The following ANK2 variants were observed in gnomAD, a reference collection of about 807,000 sequenced individuals.
ANK2 encodes ankyrin 2, also known as ankyrin-2.
In ANK2, 83 loss-of-function variants were observed where a neutral mutation model predicts 360.5. The observed-to-expected ratio is 0.23, with a 90% CI of 0.19 to 0.28. The LOEUF is 0.28. Ranked by LOEUF, ANK2 falls within the 10% of genes least tolerant of loss-of-function variation. ANK2 has a pLI of 1.00. For synonymous variants in ANK2, 1,740 were observed against 1,759.5 expected (o/e 0.99, Z 0.28); for missense variants, 4,201 against 4,795.7 (o/e 0.88, Z 3.66).
chr4:112,751,897 C>A, the ANK2 span, among the ~76,000 whole-genome samples: 1 of 152,070 alleles, frequency 6.6e-6, no homozygotes, highest in Non-Finnish European at 1.5e-5. Flanking sequence ...GCTGGGAAAC[C>A]CTTTTAGTGT....
rs1056627374 is a variant in ANK2, at chr4:113,354,270, G to T, written c.5652G>T (p.Ser1884=). ...KTEKHSPVSP[S]TKTERHSPVS... ...AGAAACACTCACCTGTATCACCCTC[G>T]ACAAAAACTGAAAGGCACTCTCCTG... Residue 1884 remains serine, a synonymous_variant, in exon 38 of 46, where the codon TCG becomes TCT. Coordinates refer to ENST00000357077, the MANE Select transcript of ANK2 (RefSeq NM_001148.6). 2.5e-6 allele frequency: 4 copies of T among 1,613,698 alleles called. No homozygotes were observed. The South Asian group carries it at 4.4e-5, about 18-fold the overall frequency.
chr4:113,135,981 CT>C (rs1318655941), intron 1 of ANK2, among the ~76,000 whole-genome samples: 2 of 152,046 alleles, frequency 1.3e-5, no homozygotes, highest in Non-Finnish European at 2.9e-5. Context: ...GCATTTGTCT[CT>C]TTTTATTTAA....
At chr4:113,311,460 T>A (rs1254564200) in intron 24 of ANK2, 61 bp downstream of exon 24, 40 of 1,590,042 alleles carry the variant, frequency 2.5e-5, no homozygotes, top group Non-Finnish European at 2.8e-5. Flanking sequence ...TTTTTTATGA[T>A]GATGATAAAA....
intron 1 of ANK2, among the ~76,000 whole-genome samples, chr4:113,160,787 G>T (rs566209132): frequency 3.3e-5 from 5 of 152,272 alleles, no homozygotes; most frequent in African/African-American, 1.2e-4. Flanking sequence ...ACAACATCTA[G>T]CACAGTGCTA....
intron 2 of ANK2, among the ~76,000 whole-genome samples, chr4:112,920,504 G>A (rs1167435814): frequency 1.3e-5 from 2 of 152,086 alleles, no homozygotes; most frequent in Non-Finnish European, 2.9e-5. Context: ...GACAAAATGT[G>A]TTTTATTTCT....
chr4:113,161,583 T>A (rs553240127), intron 1 of ANK2, among the ~76,000 whole-genome samples: 1 of 152,288 alleles, frequency 6.6e-6, no homozygotes, highest in South Asian at 2.1e-4. Context: ...GAGGATAAAG[T>A]GGCCTCTCAG....
the ANK2 span, among the ~76,000 whole-genome samples, chr4:112,733,770 T>TTTTG: frequency 3.3e-5 from 5 of 152,008 alleles, no homozygotes; most frequent in African/African-American, 7.2e-5. Context: ...CAGAGACCAA[T>TTTTG]TTTGTTTGTT....
At chr4:112,867,160 T>C (rs2070925515) in intron 1 of ANK2, among the ~76,000 whole-genome samples, 1 of 151,954 alleles carries the variant, frequency 6.6e-6, no homozygotes, top group African/African-American at 2.4e-5. Flanking sequence ...CTATGTTTTA[T>C]CTGCATTGAA....
chr4:112,729,950 A>C, the ANK2 span, among the ~76,000 whole-genome samples: 1 of 152,160 alleles, frequency 6.6e-6, no homozygotes, highest in Non-Finnish European at 1.5e-5. Context: ...TAAAAAGTCA[A>C]AAACATAGAA....
the ANK2 span, among the ~76,000 whole-genome samples, chr4:112,705,928 G>A: frequency 2.7e-5 from 4 of 148,812 alleles, no homozygotes; most frequent in Non-Finnish European, 4.4e-5. Flanking sequence ...CGAGTCCGCC[G>A]GCCGGGATGT....
chr4:113,058,149 C>T (rs1695191022), intron 1 of ANK2, among the ~76,000 whole-genome samples: 1 of 152,110 alleles, frequency 6.6e-6, no homozygotes, highest in African/African-American at 2.4e-5. Flanking sequence ...TCACATCCTA[C>T]TTACAAAATA....
At chr4:113,300,605 CA>C (rs943189929) in intron 22 of ANK2, among the ~76,000 whole-genome samples, 7 of 152,122 alleles carry the variant, frequency 4.6e-5, no homozygotes, top group Non-Finnish European at 1.0e-4. Flanking sequence ...CACAGTTAAA[CA>C]AAGACATTCA....
chr4:112,792,042 T>C, the ANK2 span, among the ~76,000 whole-genome samples: 3 of 141,838 alleles, frequency 2.1e-5, no homozygotes, highest in Non-Finnish European at 4.6e-5. Flanking sequence ...TCTTTTTTTT[T>C]TTTTTTTTTT....
At chr4:112,805,281 A>T in the ANK2 span, among the ~76,000 whole-genome samples, 1 of 152,130 alleles carries the variant, frequency 6.6e-6, no homozygotes, top group African/African-American at 2.4e-5. Flanking sequence ...GAAATTCTTT[A>T]AAAAAATGAA....
At chr4:112,728,444 T>C in the ANK2 span, among the ~76,000 whole-genome samples, 4 of 151,622 alleles carry the variant, frequency 2.6e-5, no homozygotes, top group African/African-American at 9.7e-5. Context: ...CACAATCTAC[T>C]AAGACTGAAT....
intron 2 of ANK2, among the ~76,000 whole-genome samples, chr4:113,191,707 C>T (rs1401077257): frequency 6.6e-6 from 1 of 152,258 alleles, no homozygotes; most frequent in East Asian, 1.9e-4. Context: ...TTGTTTTTTA[C>T]TTCACAAATT....
chr4:112,950,682 AAAATAAAAATACCTAGCATGAGTG>A (rs2094900193), intron 2 of ANK2, among the ~76,000 whole-genome samples: 3 of 151,816 alleles, frequency 2.0e-5, no homozygotes, highest in Admixed American at 2.0e-4. Context: ...GAAAGGTTAA[AAAATAAAAATACCTAGCATGAGTG>A]AAATAACGTA....
At chr4:112,895,138 T>G (rs2150740918) in intron 1 of ANK2, among the ~76,000 whole-genome samples, 1 of 152,344 alleles carries the variant, frequency 6.6e-6, no homozygotes. Context: ...GTCTTAAACA[T>G]ATTTTCCTAA....
At chr4:112,765,650 C>A in the ANK2 span, among the ~76,000 whole-genome samples, 2 of 146,202 alleles carry the variant, frequency 1.4e-5, no homozygotes, top group Non-Finnish European at 3.0e-5. Flanking sequence ...ACAACTCCCC[C>A]CTCCCCCGCT....
Sources: allele counts gnomAD v4.1 joint callset (sites outside exome capture counted in the v4.1 genomes callset), GRCh38; gene constraint gnomAD v4.1.1; transcripts MANE v1.5; gene names NCBI Gene and HGNC (gene_info 2026-07-23, HGNC 2026-07-21).